The following MYLK variants were observed in gnomAD, a reference collection of about 807,000 sequenced individuals.
The protein encoded by MYLK is myosin light chain kinase.
In MYLK, 106 loss-of-function variants were observed where a neutral mutation model predicts 203.4. That is an observed-to-expected ratio of 0.52 (90% CI 0.45 to 0.61). The LOEUF is 0.61. Ranked by LOEUF, MYLK falls within the 20% of genes least tolerant of loss-of-function variation. The pLI is 0.00. For synonymous variants in MYLK, 867 were observed against 959.5 expected (o/e 0.90, Z 1.78); for missense variants, 2,072 against 2,442.3 (o/e 0.85, Z 3.20).
intron 18 of MYLK, among the ~76,000 whole-genome samples, chr3:123,695,428 AAACAT>A (rs1427101802): frequency 3.0e-4 from 46 of 152,228 alleles, no homozygotes; most frequent in Admixed American, 2.6e-3. Flanking sequence ...AGTCACAGTA[AAACAT>A]ATTTGTCATT....
rs751187628 is a variant in MYLK, at chr3:123,738,945, G to T, written c.540C>A (p.Phe180Leu). Residue 180 changes from phenylalanine (F) to leucine (L), a missense_variant, in exon 7 of 34, where the codon TTC becomes TTA. Transcript: ENST00000360304. ...GGGGCCGGCCAGTGATCTTGCAGGA[G>T]AATCGTCCCATCTGTCCTTCTTTGA... ...VVVKEGQMGR[F>L]SCKITGRPQP... The T allele has an allele frequency of 6.2e-7, 1 of 1,613,116 alleles. No individual in the cohort carries two copies. The highest frequency in any genetic ancestry group is 1.1e-5 in the South Asian group (1 of 90,708).
intron 2 of MYLK, among the ~76,000 whole-genome samples, chr3:123,861,054 C>T (rs979111805): frequency 6.6e-6 from 1 of 150,780 alleles, no homozygotes; most frequent in African/African-American, 2.4e-5. Flanking sequence ...GGAGTGAACC[C>T]GGGAGGCGGA....
At chr3:123,779,752 C>T (rs546155571) in intron 4 of MYLK, among the ~76,000 whole-genome samples, 1 of 152,308 alleles carries the variant, frequency 6.6e-6, no homozygotes, top group South Asian at 2.1e-4. Flanking sequence ...ATCTCCCACC[C>T]GCCTTTATTT....
intron 33 of MYLK, 136 bp from the exon 34 acceptor site, chr3:123,614,485 C>CTGTT (rs1446283555): frequency 1.1e-6 from 1 of 914,550 alleles, no homozygotes; most frequent in African/African-American, 1.6e-5. Context: ...CCTTTATCGA[C>CTGTT]TGTTTTGATA....
intron 2 of MYLK, among the ~76,000 whole-genome samples, chr3:123,858,641 A>G (rs983175419): frequency 6.6e-5 from 10 of 152,104 alleles, no homozygotes; most frequent in African/African-American, 2.4e-4. Flanking sequence ...CCATTAACAC[A>G]TTAATCTGTG....
Position 123,640,642 on chromosome 3 carries a change from A to G in MYLK, c.4620-138T>C. ...GAATGGGGGTGATGGGCAATTCCTGAATCCCCACCCTCCGACATGGGAGAA... is the reference window on the plus strand; with the variant it reads ...GAATGGGGGTGATGGGCAATTCCTGGATCCCCACCCTCCGACATGGGAGAA... On this transcript the variant is annotated intron_variant, in intron 27 of 33. Transcript: ENST00000360304. This position sits in a 1 kb window ranked among gnomAD's most constrained non-coding sequence, Gnocchi z 4.3. The G allele has an allele frequency of 1.2e-6, 1 of 864,606 alleles. No individual in the cohort carries two copies. Among genetic ancestry groups the G allele is most frequent in the Non-Finnish European group, 1.9e-6 (1 of 530,064 alleles). The allele number at this position is 864,606 out of a possible 1,614,324, so 53.6% of individuals were successfully genotyped here. A position where few individuals can be genotyped will look rare whatever the true frequency, so the allele number is the denominator to read the frequency against.
chr3:123,789,533 G>C (rs141672300), intron 4 of MYLK, among the ~76,000 whole-genome samples: 184 of 152,112 alleles, frequency 1.2e-3, no homozygotes, highest in African/African-American at 4.2e-3. Context: ...CTGGATAAAG[G>C]AACAGGGGCT....
chr3:123,757,777 T>C (rs2063404383), intron 4 of MYLK, among the ~76,000 whole-genome samples: 1 of 152,150 alleles, frequency 6.6e-6, no homozygotes, highest in Admixed American at 6.5e-5. Context: ...TAGATGGACA[T>C]CTCCCCTAAG....
At chr3:123,736,169 A>G (rs754280698) in intron 8 of MYLK, among the ~76,000 whole-genome samples, 2 of 152,188 alleles carry the variant, frequency 1.3e-5, no homozygotes, top group Admixed American at 6.5e-5. Context: ...AGTGATGTCA[A>G]GTGAAATAGA....
rs557830257 is a variant in MYLK at position 123,724,308 on chromosome 3, A to G, written c.1651+1636T>C. On this transcript the variant is annotated intron_variant, in intron 12 of 33. Coordinates refer to ENST00000360304, the MANE Select transcript of MYLK (RefSeq NM_053025.4). ...CCTATGGCTGCTTTTATACCACAAC[A>G]GCAGAGTTGAGAGTTGTTAAAGAGG... Among the ~76,000 whole-genome samples, 6 of 152,168 alleles carry G rather than the reference A, an allele frequency of 3.9e-5. No homozygotes were observed. In the South Asian group the frequency reaches 1.2e-3, roughly 32 times the overall value.
At chr3:123,820,644 C>CCCTCCTTCCT in intron 3 of MYLK, among the ~76,000 whole-genome samples, 1 of 26,064 alleles carries the variant, frequency 3.8e-5, no homozygotes, top group East Asian at 1.2e-3. Flanking sequence ...CCTTCCTTCC[C>CCCTCCTTCCT]TCCTTCCTTC....
intron 2 of MYLK, among the ~76,000 whole-genome samples, chr3:123,840,856 T>C (rs1241324965): frequency 1.3e-5 from 2 of 152,054 alleles, no homozygotes; most frequent in African/African-American, 2.4e-5. Context: ...TCCGTTTTCA[T>C]TCATGGTTCT....
intron 19 of MYLK, among the ~76,000 whole-genome samples, chr3:123,690,292 C>A (rs986866338): frequency 2.1e-4 from 32 of 152,224 alleles, no homozygotes; most frequent in Admixed American, 3.9e-4. Context: ...CTGCTTACGG[C>A]AAGTAGTTCT....
intron 4 of MYLK, among the ~76,000 whole-genome samples, chr3:123,763,752 G>C (rs1205285497): frequency 6.6e-6 from 1 of 152,098 alleles, no homozygotes; most frequent in East Asian, 1.9e-4. Flanking sequence ...TTTTCATTCT[G>C]ATATTCTAGA....
At chr3:123,853,901 T>C (rs1457666517) in intron 2 of MYLK, among the ~76,000 whole-genome samples, 1 of 152,158 alleles carries the variant, frequency 6.6e-6, no homozygotes, top group African/African-American at 2.4e-5. Flanking sequence ...GGCTTGGCAA[T>C]GTGACATGCT....
chr3:123,688,568 G>A (rs1053981856), intron 19 of MYLK, among the ~76,000 whole-genome samples: 5 of 152,036 alleles, frequency 3.3e-5, no homozygotes, highest in African/African-American at 1.2e-4. Flanking sequence ...CTTCATAAAT[G>A]TCCAGTGTTG....
intron 28 of MYLK, chr3:123,638,805 T>A: frequency 1.0e-6 from 1 of 985,358 alleles, no homozygotes; most frequent in African/African-American, 1.7e-5. Flanking sequence ...GGTAGGGTAG[T>A]CGGGAGAGGC....
Position 123,832,753 on chromosome 3 carries a change from C to G in MYLK, c.-126-1083G>C, listed in dbSNP as rs370129969. 6.6e-5 allele frequency among the ~76,000 whole-genome samples: 10 copies of G among 152,276 alleles called. No homozygotes were observed. In the East Asian group the frequency reaches 1.9e-3, roughly 29 times the overall value. ...TCTTGGAAGCAGAAAACAGCTCTCACAAGACACCAAATCTGCTGGTGTCTT... is the reference window on the plus strand; with the variant it reads ...TCTTGGAAGCAGAAAACAGCTCTCAGAAGACACCAAATCTGCTGGTGTCTT... On this transcript the variant is annotated intron_variant, in intron 2 of 33. Transcript: ENST00000360304.
At chr3:123,762,154 C>T (rs1285564327) in intron 4 of MYLK, among the ~76,000 whole-genome samples, 1 of 152,184 alleles carries the variant, frequency 6.6e-6, no homozygotes, top group Non-Finnish European at 1.5e-5. Flanking sequence ...AGGGCAATCA[C>T]CTTCAATGCT....
Sources: allele counts gnomAD v4.1 joint callset (sites outside exome capture counted in the v4.1 genomes callset), GRCh38; gene constraint gnomAD v4.1.1; non-coding constraint Gnocchi (gnomAD v3.1); transcripts MANE v1.5; gene names NCBI Gene and HGNC (gene_info 2026-07-23, HGNC 2026-07-21).